Variants in AKAP13 observed in about 807,000 individuals in gnomAD.
The protein encoded by AKAP13 is A-kinase anchor protein 13.
In AKAP13, 80 loss-of-function variants were observed where a neutral mutation model predicts 264.5. The ratio of observed to expected loss-of-function variants is 0.30; its 90% CI spans 0.25 to 0.36. The LOEUF is 0.36. AKAP13 is among the 10% of genes least tolerant of loss of function. The pLI is 1.00. For synonymous variants in AKAP13, 1,380 were observed against 1,250.2 expected, an observed-to-expected ratio of 1.10 and a Z score of -2.19; for missense variants, 3,712 against 3,435.2, an observed-to-expected ratio of 1.08 and a Z score of -2.01.
chr15:85,393,777 A>G (rs1311549028), intron 1 of AKAP13, among the ~76,000 whole-genome samples: 3 of 152,228 alleles, frequency 2.0e-5, no homozygotes, highest in Non-Finnish European at 4.4e-5. Flanking sequence ...GACTACAAAC[A>G]TAACTCTAGT....
At chr15:85,667,862 AT>A (rs2083688265) in intron 13 of AKAP13, among the ~76,000 whole-genome samples, 1 of 152,198 alleles carries the variant, frequency 6.6e-6, no homozygotes. Flanking sequence ...ATTTCCGGGA[AT>A]TTGACAGATA....
Position 85,697,784 on chromosome 15 carries a change from T to C in AKAP13, c.5464+4333T>C, listed in dbSNP as rs139977422. 6.3e-3 allele frequency among the ~76,000 whole-genome samples: 953 copies of C among 152,352 alleles called. 10 individuals carry two copies. The highest frequency in any genetic ancestry group is 0.022 in the African/African-American group (896 of 41,592). On this transcript the variant is annotated intron_variant, in intron 17 of 36. Transcript: ENST00000394518. ...AGGAATAAGATGGCTTCTACTCTGT[T>C]GTCTGCATTAGTAAGGGGAGAGCTT...
chr15:85,742,486 G>T (rs2927043), intron 35 of AKAP13, among the ~76,000 whole-genome samples: 2 of 152,210 alleles, frequency 1.3e-5, no homozygotes, highest in Non-Finnish European at 2.9e-5. Context: ...GCCCATCCCA[G>T]CAACTAGGGG....
chr15:85,637,886 T>G (rs1430198649), intron 8 of AKAP13, among the ~76,000 whole-genome samples: 1 of 13,870 alleles, frequency 7.2e-5, no homozygotes, highest in Admixed American at 1.5e-3. Flanking sequence ...ATTTAGAAGT[T>G]TTTTTTTTTT....
rs368984278 is a variant in AKAP13, at chr15:85,741,430, C to A, written c.7993C>A (p.Gln2665Lys). The change falls in exon 35 of 37, where the codon CAG becomes AAG. Residue 2665 changes from glutamine to lysine, a missense_variant. Transcript: ENST00000394518. ...RAAQKQLEREQEQLRREAERL... is the reference protein window; with the variant it reads ...RAAQKQLEREKEQLRREAERL... Reference sequence around the variant, plus strand: ...TGCCCAGAAACAGCTTGAGAGGGAACAGGAGCAGCTGCGCCGGGAGGCAGA... The same window carrying A: ...TGCCCAGAAACAGCTTGAGAGGGAAAAGGAGCAGCTGCGCCGGGAGGCAGA... 2.5e-6 allele frequency: 4 copies of A among 1,611,288 alleles called. No individual in the cohort carries two copies. Among genetic ancestry groups the A allele is most frequent in the Non-Finnish European group, 3.4e-6 (4 of 1,178,006 alleles).
intron 8 of AKAP13, among the ~76,000 whole-genome samples, chr15:85,612,840 A>G (rs1036566013): frequency 1.4e-4 from 21 of 151,986 alleles, no homozygotes; most frequent in South Asian, 2.1e-4. Context: ...AAAAAAGAAA[A>G]AAAGAAAGAA....
In AKAP13 at chr15:85,645,724, C is replaced by G. The variant is rs995854019; in HGVS notation, c.4238-94C>G. On this transcript the variant is annotated intron_variant, in intron 9 of 36. Coordinates refer to ENST00000394518, the MANE Select transcript of AKAP13 (RefSeq NM_007200.5). ...AAGAGTGAGAGAGAGATTTAAAAGA[C>G]TGGTTGCTGGGGTGAAAAGGAAGTG... 17 of 1,291,370 alleles carry G rather than the reference C, an allele frequency of 1.3e-5. No individual in the cohort carries two copies. In the Admixed American group the frequency reaches 2.3e-4, roughly 17 times the overall value. 80.0% of individuals were successfully genotyped at this position (1,291,370 alleles called of 1,614,324 possible).
At chr15:85,453,629 G>C (rs1431696523) in intron 1 of AKAP13, among the ~76,000 whole-genome samples, 1 of 152,150 alleles carries the variant, frequency 6.6e-6, no homozygotes, top group Non-Finnish European at 1.5e-5. Context: ...AAGCAGTCTG[G>C]CCACATTTTG....
At chr15:85,656,637 A>C (rs991724546) in intron 11 of AKAP13, among the ~76,000 whole-genome samples, 27 of 152,050 alleles carry the variant, frequency 1.8e-4, no homozygotes, top group Admixed American at 5.9e-4. Flanking sequence ...TTTAGTAGAG[A>C]CAGGGTTTCA....
At chr15:85,613,713 T>TATATGTATGTATATATATATATATA (rs1254657975) in intron 8 of AKAP13, among the ~76,000 whole-genome samples, 1 of 111,028 alleles carries the variant, frequency 9.0e-6, no homozygotes, top group East Asian at 3.4e-4. Flanking sequence ...TATATATATA[T>TATATGTATGTATATATATATATATA]TAGGAGTGCT....
chr15:85,400,825 T>C (rs1177150729), intron 1 of AKAP13, among the ~76,000 whole-genome samples: 1 of 150,652 alleles, frequency 6.6e-6, no homozygotes, highest in African/African-American at 2.4e-5. Flanking sequence ...AATAGCTGAT[T>C]AATCATAATT....
At chr15:85,482,247 C>CT (rs895954629) in intron 1 of AKAP13, among the ~76,000 whole-genome samples, 31 of 152,144 alleles carry the variant, frequency 2.0e-4, no homozygotes, top group African/African-American at 6.3e-4. Flanking sequence ...TAAATGATAT[C>CT]TTCTCAGGGA....
At chr15:85,660,033 G>C (rs1368635024) in intron 12 of AKAP13, among the ~76,000 whole-genome samples, 1 of 152,140 alleles carries the variant, frequency 6.6e-6, no homozygotes, top group East Asian at 1.9e-4. Context: ...ACCATCTGCA[G>C]CTTCCTTCCT....
At chr15:85,465,694 A>G (rs1463024083) in intron 1 of AKAP13, among the ~76,000 whole-genome samples, 1 of 151,324 alleles carries the variant, frequency 6.6e-6, no homozygotes, top group Non-Finnish European at 1.5e-5. Flanking sequence ...ATCATTTTTT[A>G]TGGCCGCATA....
chr15:85,684,679 C>T, intron 15 of AKAP13, 62 bp from the exon 16 acceptor site: 1 of 1,529,340 alleles, frequency 6.5e-7, no homozygotes, highest in Non-Finnish European at 8.8e-7. Context: ...TTTTATTCTG[C>T]TTCACTTTTA....
intron 8 of AKAP13, among the ~76,000 whole-genome samples, chr15:85,620,383 T>C (rs1361993058): frequency 1.3e-5 from 2 of 152,200 alleles, no homozygotes; most frequent in Admixed American, 6.5e-5. Flanking sequence ...CCACTTACTG[T>C]TGAAATGTAA....
chr15:85,448,004 C>T (rs1399893016), intron 1 of AKAP13, among the ~76,000 whole-genome samples: 1 of 152,170 alleles, frequency 6.6e-6, no homozygotes, highest in Non-Finnish European at 1.5e-5. Context: ...TATAAGGGTT[C>T]CTTTTCCCTG....
rs2079111602 is a variant in AKAP13, at chr15:85,579,343, T to G, written c.1275T>G (p.Thr425=). The G allele has an allele frequency of 6.2e-7, 1 of 1,614,064 alleles. No homozygotes were observed. Among genetic ancestry groups the G allele is most frequent in the Non-Finnish European group, 8.5e-7 (1 of 1,180,048 alleles). ...LSSCGNRNEE[T]GTKSSGMPTD... ...CCTGTGGAAACAGAAATGAAGAAAC[T>G]GGAACAAAATCTTCTGGAATGCCCA... The change falls in exon 7 of 37, where the codon ACT becomes ACG. Residue 425 remains threonine (T), a synonymous_variant. Transcript: ENST00000394518.
chr15:85,691,033 C>T (rs887952089), intron 16 of AKAP13, among the ~76,000 whole-genome samples: 2 of 152,144 alleles, frequency 1.3e-5, no homozygotes, highest in African/African-American at 4.8e-5. Context: ...TTATCCTCTA[C>T]GTTGTAAAAT....
Sources: gnomAD v4.1 joint callset for allele counts (sites outside exome capture counted in the v4.1 genomes callset) on GRCh38, gnomAD v4.1.1 for gene constraint, MANE v1.5 for transcripts, NCBI Gene and HGNC (gene_info 2026-07-23, HGNC 2026-07-21) for gene names.